MCPH1: variants seen among roughly 807,000 people sequenced by gnomAD.
MCPH1 encodes the protein microcephalin.
Under a neutral mutation model 84.5 loss-of-function variants are expected in MCPH1, and 104 were observed. That is an observed-to-expected ratio of 1.23 (90% CI 1.05 to 1.45). The LOEUF (loss-of-function observed/expected upper bound fraction) is 1.45, where lower values mean the gene tolerates loss of function less well. MCPH1 is among the 40% of genes most tolerant of loss of function. MCPH1 has a pLI of 0.00. For synonymous variants in MCPH1, 514 were observed against 366.8 expected, an observed-to-expected ratio of 1.40 and a Z score of -4.58; for missense variants, 1,498 against 1,005.7, an observed-to-expected ratio of 1.49 and a Z score of -6.62.
chr8:6,430,882 A>T (rs1260173178), intron 3 of MCPH1, among the ~76,000 whole-genome samples: 3 of 152,222 alleles, frequency 2.0e-5, no homozygotes, highest in Non-Finnish European at 4.4e-5. Context: ...AATCATAATT[A>T]TTTAGACTTG....
chr8:6,543,533 C>G (rs550453547), intron 12 of MCPH1, among the ~76,000 whole-genome samples: 1 of 152,188 alleles, frequency 6.6e-6, no homozygotes, highest in East Asian at 1.9e-4. Flanking sequence ...GCGGAATAAA[C>G]CCGCCCAAAC....
In MCPH1 at chr8:6,643,230, C is replaced by G. The variant is rs2433149; in HGVS notation, c.*181C>G. ...AGGTGACTTTCTGATGACTGAATGT[C>G]TGTTTCAGAGACGCTTCGGGCCTTT... On this transcript the variant is annotated 3_prime_UTR_variant, in exon 14 of 14. Coordinates refer to ENST00000344683, the MANE Select transcript of MCPH1 (RefSeq NM_024596.5). 207,422 of 664,116 alleles carry G rather than the reference C, an allele frequency of 0.31. 33,258 individuals are homozygous for G. The highest frequency in any genetic ancestry group is 0.39 in the South Asian group (23,743 of 60,454). The allele number at this position is 664,116 out of a possible 1,614,324, so 41.1% of individuals were successfully genotyped here.
At chr8:6,483,453 G>A (rs1809475510) in intron 11 of MCPH1, among the ~76,000 whole-genome samples, 1 of 152,202 alleles carries the variant, frequency 6.6e-6, no homozygotes, top group African/African-American at 2.4e-5. Context: ...TCAAGGCAGT[G>A]TGGTATTGGT....
intron 12 of MCPH1, 64 bp downstream of exon 12, chr8:6,499,993 C>A: frequency 7.1e-7 from 1 of 1,399,678 alleles, no homozygotes; most frequent in Admixed American, 1.7e-5. Flanking sequence ...TTATTATAAA[C>A]ATAAGGGTGG....
At chr8:6,562,373 C>T (rs537178450) in intron 12 of MCPH1, among the ~76,000 whole-genome samples, 1 of 152,120 alleles carries the variant, frequency 6.6e-6, no homozygotes, top group East Asian at 1.9e-4. Flanking sequence ...ATTTCCTCTA[C>T]CTTGTTAATA....
intron 3 of MCPH1, among the ~76,000 whole-genome samples, chr8:6,420,534 G>T (rs908947562): frequency 1.4e-4 from 21 of 151,484 alleles, no homozygotes; most frequent in African/African-American, 3.9e-4. Context: ...CTTTTTTTTC[G>T]GGGAGGGAAT....
intron 12 of MCPH1, among the ~76,000 whole-genome samples, chr8:6,601,236 G>T (rs573697243): frequency 1.3e-5 from 2 of 152,292 alleles, no homozygotes; most frequent in East Asian, 3.9e-4. Context: ...AGCTGTCTTT[G>T]CAGGTGCATC....
intron 9 of MCPH1, among the ~76,000 whole-genome samples, chr8:6,476,892 G>A (rs576326890): frequency 6.3e-4 from 96 of 152,286 alleles, no homozygotes; most frequent in African/African-American, 2.2e-3. Context: ...CTCCTATAGA[G>A]TGAACATTTG....
chr8:6,475,482 C>A (rs3020284), intron 9 of MCPH1, among the ~76,000 whole-genome samples: 13,155 of 152,264 alleles, frequency 0.086, 961 homozygotes, highest in East Asian at 0.27. Context: ...TCCCCAGCAT[C>A]CCGGGGAAAA....
chr8:6,415,072 C>G (rs1799075339), intron 3 of MCPH1, among the ~76,000 whole-genome samples, 189 bp downstream of exon 3: 1 of 151,900 alleles, frequency 6.6e-6, no homozygotes, highest in South Asian at 2.1e-4. Flanking sequence ...GCTATAATAC[C>G]TAACTCTGCC....
At chr8:6,413,838 G>A (rs1383743730) in intron 2 of MCPH1, among the ~76,000 whole-genome samples, 4 of 150,524 alleles carry the variant, frequency 2.7e-5, no homozygotes, top group Admixed American at 6.6e-5. Context: ...CACTGTAACC[G>A]CCACCTCCCG....
intron 12 of MCPH1, among the ~76,000 whole-genome samples, chr8:6,551,277 G>T (rs191495494): frequency 7.6e-4 from 116 of 152,214 alleles, no homozygotes; most frequent in African/African-American, 2.6e-3. Flanking sequence ...TTTAGTGGTA[G>T]CGGTATTTAG....
At chr8:6,533,336 T>C (rs999695441) in intron 12 of MCPH1, among the ~76,000 whole-genome samples, 9 of 152,232 alleles carry the variant, frequency 5.9e-5, no homozygotes, top group African/African-American at 2.2e-4. Context: ...TGATTATGTA[T>C]AACTGCAAGA....
chr8:6,466,323 G>A (rs1479330747), intron 9 of MCPH1, among the ~76,000 whole-genome samples: 1 of 144,306 alleles, frequency 6.9e-6, no homozygotes, highest in Non-Finnish European at 1.5e-5. Flanking sequence ...TTTTTGAGAT[G>A]GAGTCTTGGA....
intron 11 of MCPH1, among the ~76,000 whole-genome samples, chr8:6,483,029 A>G (rs889325178): frequency 1.3e-5 from 2 of 152,212 alleles, no homozygotes; most frequent in Non-Finnish European, 1.5e-5. Context: ...AGTCACAAGC[A>G]ATCTACAAAA....
At chr8:6,592,629 T>TG (rs1828574819) in intron 12 of MCPH1, among the ~76,000 whole-genome samples, 1 of 141,074 alleles carries the variant, frequency 7.1e-6, no homozygotes, top group African/African-American at 2.6e-5. Context: ...TTTTGTTTTT[T>TG]TTTTTTTTTT....
chr8:6,546,935 A>G (rs886323823), intron 12 of MCPH1, among the ~76,000 whole-genome samples: 1 of 152,160 alleles, frequency 6.6e-6, no homozygotes, highest in Non-Finnish European at 1.5e-5. Context: ...ACTAGGAAAA[A>G]CAGCCATGTT....
intron 11 of MCPH1, among the ~76,000 whole-genome samples, chr8:6,491,947 G>A (rs1266202814): frequency 6.6e-6 from 1 of 152,184 alleles, no homozygotes; most frequent in African/African-American, 2.4e-5. Flanking sequence ...ACGTGTGCAT[G>A]TGTCTTTATA....
chr8:6,550,834 C>G (rs975008138), intron 12 of MCPH1, among the ~76,000 whole-genome samples: 1 of 152,114 alleles, frequency 6.6e-6, no homozygotes, highest in African/African-American at 2.4e-5. Context: ...AAGCACATGG[C>G]GTGCACCTGA....
Sources: gnomAD v4.1 joint callset for allele counts (sites outside exome capture counted in the v4.1 genomes callset) on GRCh38, gnomAD v4.1.1 for gene constraint, MANE v1.5 for transcripts, NCBI Gene and HGNC (gene_info 2026-07-23, HGNC 2026-07-21) for gene names.